Variants in ADGRL2 observed in about 807,000 individuals in gnomAD.
The protein encoded by ADGRL2 is calcium-independent alpha-latrotoxin receptor 2.
A neutral mutation model predicts 157.4 loss-of-function variants in ADGRL2; 44 were observed. That is an observed-to-expected ratio of 0.28 (90% CI 0.22 to 0.36). ADGRL2 has a LOEUF of 0.36. ADGRL2 is among the 10% of genes least tolerant of loss of function. ADGRL2 has a pLI of 1.00. For missense variants in ADGRL2, 1,510 were observed against 1,768.9 expected, an observed-to-expected ratio of 0.85 and a Z score of 2.63; for synonymous variants, 585 against 624.7, an observed-to-expected ratio of 0.94 and a Z score of 0.95.
At chr1:81,489,874 A>G (rs995260648) in intron 2 of ADGRL2, among the ~76,000 whole-genome samples, 1 of 152,222 alleles carries the variant, frequency 6.6e-6, no homozygotes. Context: ...CTGCCATTCA[A>G]AAATTAAAAA....
chr1:81,378,090 A>T (rs1189613770), intron 1 of ADGRL2, among the ~76,000 whole-genome samples: 8 of 151,978 alleles, frequency 5.3e-5, no homozygotes, highest in Admixed American at 5.2e-4. Context: ...GAGGCAGGGG[A>T]ATCGCTTGAA....
rs930283337 is a variant in ADGRL2, at chr1:81,931,012, C to T, written c.288-5716C>T. Among the ~76,000 whole-genome samples, 6 of 152,136 alleles carry T rather than the reference C, an allele frequency of 3.9e-5. No individual in the cohort carries two copies. The East Asian group carries it at 7.7e-4, about 20-fold the overall frequency. On this transcript the variant is annotated intron_variant, in intron 3 of 23. Coordinates refer to ENST00000686636, the MANE Select transcript of ADGRL2 (RefSeq NM_001366006.2). ...AAAAAAATAAAAATTAGCCAGGCGGCGTGGCACATTCCTGTAGTCCCAGCT... is the reference window on the plus strand; with the variant it reads ...AAAAAAATAAAAATTAGCCAGGCGGTGTGGCACATTCCTGTAGTCCCAGCT...
At chr1:81,525,089 C>A (rs561386182) in intron 2 of ADGRL2, among the ~76,000 whole-genome samples, 1 of 152,198 alleles carries the variant, frequency 6.6e-6, no homozygotes, top group African/African-American at 2.4e-5. Context: ...GAGGTCATCA[C>A]TATTCAAAAA....
chr1:81,390,665 G>A (rs1274675207), intron 1 of ADGRL2, among the ~76,000 whole-genome samples: 2 of 152,306 alleles, frequency 1.3e-5, no homozygotes, highest in African/African-American at 4.8e-5. Context: ...TACAGAAAGG[G>A]AATTATACTG....
rs1466937098 is a variant in ADGRL2 at position 81,604,153 on chromosome 1, C to A, written c.-143+23173C>A. 3.3e-5 allele frequency among the ~76,000 whole-genome samples: 5 copies of A among 151,880 alleles called. No individual in the cohort carries two copies. In the East Asian group the frequency reaches 9.7e-4, roughly 29 times the overall value. ...TAATTTTTTTTAATTTTGGTAGAGA[C>A]GAGGTTTCACCATGTTGGCCAGGCT... is the stretch of plus-strand genomic sequence containing the variant. On this transcript the variant is annotated intron_variant, in intron 3 of 24. Coordinates refer to the ADGRL2 transcript ENST00000370721.
At chr1:81,572,490 A>AT (rs2080715484) in intron 2 of ADGRL2, among the ~76,000 whole-genome samples, 1 of 152,216 alleles carries the variant, frequency 6.6e-6, no homozygotes, top group Non-Finnish European at 1.5e-5. Context: ...GCACAGTGTC[A>AT]TAAGGTACAA....
chr1:81,463,743 A>G (rs552878409), intron 2 of ADGRL2, among the ~76,000 whole-genome samples: 1 of 152,308 alleles, frequency 6.6e-6, no homozygotes, highest in South Asian at 2.1e-4. Flanking sequence ...TCAACTACTT[A>G]CTTCACAAGG....
chr1:81,460,343 C>T (rs1320052433), intron 2 of ADGRL2, among the ~76,000 whole-genome samples: 7 of 151,604 alleles, frequency 4.6e-5, no homozygotes, highest in Non-Finnish European at 7.4e-5. Context: ...TATTATATAT[C>T]ATACCACATA....
At chr1:81,493,562 A>G (rs2078676108) in intron 2 of ADGRL2, among the ~76,000 whole-genome samples, 1 of 152,160 alleles carries the variant, frequency 6.6e-6, no homozygotes, top group Admixed American at 6.6e-5. Context: ...TTGTTGGGAT[A>G]TTTGGAAGGA....
intron 2 of ADGRL2, among the ~76,000 whole-genome samples, chr1:81,501,198 C>A (rs576242465): frequency 6.6e-6 from 1 of 152,318 alleles, no homozygotes; most frequent in East Asian, 1.9e-4. Flanking sequence ...TATAAAAGTA[C>A]TTGGATTTAT....
chr1:81,424,836 A>G (rs1171204708), intron 1 of ADGRL2, among the ~76,000 whole-genome samples: 1 of 152,142 alleles, frequency 6.6e-6, no homozygotes, highest in African/African-American at 2.4e-5. Flanking sequence ...TTGCAAGGGT[A>G]TTGAGATGGT....
chr1:81,436,465 G>T (rs916183330), intron 1 of ADGRL2, among the ~76,000 whole-genome samples: 4 of 150,496 alleles, frequency 2.7e-5, no homozygotes, highest in Non-Finnish European at 5.9e-5. Flanking sequence ...TCGCTTTTTT[G>T]TCCATGACCA....
chr1:81,376,783 T>C (rs138101079), intron 1 of ADGRL2, among the ~76,000 whole-genome samples: 471 of 152,224 alleles, frequency 3.1e-3, no homozygotes, highest in African/African-American at 0.01. Context: ...CACAACCAGA[T>C]TGAATATGGG....
At chr1:81,617,769 C>T (rs987176374) in intron 3 of ADGRL2, among the ~76,000 whole-genome samples, 1 of 152,204 alleles carries the variant, frequency 6.6e-6, no homozygotes, top group Non-Finnish European at 1.5e-5. Flanking sequence ...AGCGCCATTC[C>T]TGTAGCATAA....
chr1:81,712,739 T>C (rs954733681), intron 1 of ADGRL2, among the ~76,000 whole-genome samples: 2 of 150,150 alleles, frequency 1.3e-5, no homozygotes, highest in African/African-American at 2.5e-5. Context: ...GGAGCACCAA[T>C]TTACCTGGAT....
chr1:81,652,825 T>A (rs1301777390), intron 3 of ADGRL2, among the ~76,000 whole-genome samples: 2 of 152,134 alleles, frequency 1.3e-5, no homozygotes, highest in East Asian at 1.9e-4. Context: ...AGTGAGGGGG[T>A]GATTTATTAC....
At chr1:81,520,256 A>G (rs1174122489) in intron 2 of ADGRL2, among the ~76,000 whole-genome samples, 1 of 152,144 alleles carries the variant, frequency 6.6e-6, no homozygotes, top group Non-Finnish European at 1.5e-5. Context: ...AATAGAAGCA[A>G]TACACATCCT....
chr1:81,984,080 A>T (rs964296313), intron 19 of ADGRL2, among the ~76,000 whole-genome samples: 2 of 152,040 alleles, frequency 1.3e-5, no homozygotes, highest in Admixed American at 1.3e-4. Flanking sequence ...TCTTGTCATT[A>T]TACAGAGGTT....
At chr1:81,455,713 C>T (rs555699081) in intron 2 of ADGRL2, among the ~76,000 whole-genome samples, 30 of 152,124 alleles carry the variant, frequency 2.0e-4, no homozygotes, top group Admixed American at 1.4e-3. Flanking sequence ...TAGCAGGATT[C>T]GAAACAAAGA....
Sources: gnomAD v4.1 joint callset for allele counts (sites outside exome capture counted in the v4.1 genomes callset) on GRCh38, gnomAD v4.1.1 for gene constraint, MANE v1.5 for transcripts, NCBI Gene and HGNC (gene_info 2026-07-23, HGNC 2026-07-21) for gene names.